Variants in OR56A3 observed in about 807,000 individuals in gnomAD.
The protein encoded by OR56A3 is olfactory receptor 56A3.
OR56A3 carries 23 observed loss-of-function variants against 17.5 expected under a neutral mutation model. The ratio of observed to expected loss-of-function variants is 1.32; its 90% CI spans 0.95 to 1.87. OR56A3 has a LOEUF of 1.87. OR56A3 is among the 40% of genes most tolerant of loss of function. OR56A3 has a pLI of 0.00. For missense variants in OR56A3, 366 were observed against 380.1 expected (o/e 0.96, Z 0.31); for synonymous variants, 175 against 150.6 (o/e 1.16, Z -1.19).
At chr11:5,960,907 C>A in the OR56A3 span, among the ~76,000 whole-genome samples, 5 of 151,610 alleles carry the variant, frequency 3.3e-5, no homozygotes, top group African/African-American at 4.9e-5. Flanking sequence ...TGCCTCTGCC[C>A]GGCCGTGACC....
At chr11:5,982,440 G>C in the OR56A3 span, among the ~76,000 whole-genome samples, 1 of 152,198 alleles carries the variant, frequency 6.6e-6, no homozygotes, top group South Asian at 2.1e-4. Flanking sequence ...GAGTCTGCTA[G>C]TGAAGGAGCT....
chr11:5,965,900 A>C, the OR56A3 span, among the ~76,000 whole-genome samples: 6 of 152,148 alleles, frequency 3.9e-5, no homozygotes, highest in African/African-American at 1.4e-4. Flanking sequence ...CACAGACTTT[A>C]AGAAAAACAT....
the OR56A3 span, among the ~76,000 whole-genome samples, chr11:6,008,620 T>A: frequency 6.6e-6 from 1 of 151,940 alleles, no homozygotes; most frequent in Non-Finnish European, 1.5e-5. Flanking sequence ...AACCACAATT[T>A]CCTCATCTGA....
the OR56A3 span, among the ~76,000 whole-genome samples, chr11:5,961,169 A>T: frequency 6.6e-6 from 1 of 150,608 alleles, no homozygotes; most frequent in African/African-American, 2.4e-5. Context: ...CCAGTCTGGG[A>T]GGTGGGGGGC....
At chr11:5,976,358 G>A in the OR56A3 span, among the ~76,000 whole-genome samples, 603 of 152,146 alleles carry the variant, frequency 4.0e-3, 2 homozygotes, top group African/African-American at 0.014. Flanking sequence ...TGAAGAGAAA[G>A]GGAAAATGAA....
chr11:5,994,536 G>A, the OR56A3 span: 2 of 949,952 alleles, frequency 2.1e-6, no homozygotes, highest in Non-Finnish European at 3.4e-6. Flanking sequence ...ATGAAGAGCA[G>A]CTCCTCCTTG....
intron 2 of OR56A3, among the ~76,000 whole-genome samples, chr11:5,945,603 A>G (rs1847865230): frequency 8.0e-6 from 1 of 124,630 alleles, no homozygotes; most frequent in Non-Finnish European, 1.7e-5. Context: ...AAAAAAAAAA[A>G]TTATTTCTTG....
the OR56A3 span, among the ~76,000 whole-genome samples, chr11:5,957,841 A>T: frequency 6.6e-6 from 1 of 152,202 alleles, no homozygotes; most frequent in Non-Finnish European, 1.5e-5. Context: ...AATCTTGGAT[A>T]TCTATTTAGC....
At chr11:5,952,291 A>T (rs1847912266), downstream of OR56A3, among the ~76,000 whole-genome samples, 1 of 152,184 alleles carries the variant, frequency 6.6e-6, no homozygotes, top group Non-Finnish European at 1.5e-5. Flanking sequence ...AAGGTGTAGG[A>T]AGAATATTAT....
chr11:5,986,041 C>T, the OR56A3 span: 12,070 of 1,613,710 alleles, frequency 7.5e-3, 61 homozygotes, highest in Non-Finnish European at 8.7e-3. Context: ...GAGGAGATAC[C>T]GTGTGGCCAG....
At chr11:5,980,962 T>G in the OR56A3 span, among the ~76,000 whole-genome samples, 3 of 152,214 alleles carry the variant, frequency 2.0e-5, no homozygotes, top group Non-Finnish European at 4.4e-5. Flanking sequence ...TGGAATTTCT[T>G]TTCTTTAAGG....
chr11:5,986,166 C>A, the OR56A3 span: 1 of 1,613,856 alleles, frequency 6.2e-7, no homozygotes. Context: ...ATGTGCTAAA[C>A]GCCTTAAGTC....
the OR56A3 span, among the ~76,000 whole-genome samples, chr11:5,976,783 G>C: frequency 6.6e-6 from 1 of 151,802 alleles, no homozygotes; most frequent in East Asian, 1.9e-4. Context: ...TAAATTTCAT[G>C]TCGTAGGGGT....
chr11:5,972,230 C>A, the OR56A3 span, among the ~76,000 whole-genome samples: 108 of 152,322 alleles, frequency 7.1e-4, no homozygotes, highest in African/African-American at 2.4e-3. Context: ...AGCCACAGAA[C>A]ACATGGGTCC....
At chr11:5,988,157 T>C in the OR56A3 span, among the ~76,000 whole-genome samples, 2 of 152,268 alleles carry the variant, frequency 1.3e-5, no homozygotes, top group South Asian at 2.1e-4. Context: ...TCTGAATTGG[T>C]CCTTCAAAAT....
the OR56A3 span, chr11:5,985,920 A>G: frequency 6.3e-7 from 1 of 1,575,120 alleles, no homozygotes; most frequent in Non-Finnish European, 8.6e-7. Flanking sequence ...CTCCGAAGGA[A>G]ACAATGAGAA....
At chr11:5,976,652 C>T in the OR56A3 span, among the ~76,000 whole-genome samples, 3 of 151,864 alleles carry the variant, frequency 2.0e-5, no homozygotes, top group African/African-American at 4.8e-5. Flanking sequence ...AATCCAGTGC[C>T]GAGATTGGTT....
the OR56A3 span, among the ~76,000 whole-genome samples, chr11:5,985,440 C>T: frequency 6.6e-6 from 1 of 152,136 alleles, no homozygotes. Flanking sequence ...ACCCATATTG[C>T]AATAAATGCT....
the OR56A3 span, among the ~76,000 whole-genome samples, chr11:5,975,231 A>T: frequency 6.6e-6 from 1 of 152,252 alleles, no homozygotes; most frequent in Non-Finnish European, 1.5e-5. Flanking sequence ...ACATTCTTTA[A>T]GTTCTAGGGA....
Sources: allele counts gnomAD v4.1 joint callset (sites outside exome capture counted in the v4.1 genomes callset), GRCh38; gene constraint gnomAD v4.1.1; transcripts MANE v1.5; gene names NCBI Gene and HGNC (gene_info 2026-07-23, HGNC 2026-07-21).